LYPD8: variants seen among roughly 807,000 people sequenced by gnomAD.
The protein encoded by LYPD8 is ly6/PLAUR domain-containing protein 8.
LYPD8 carries 8 observed loss-of-function variants against 1.7 expected under a neutral mutation model. The observed-to-expected ratio is 4.58, with a 90% CI of 2.69 to 8.27. LYPD8 has a LOEUF of 8.27. Ranked by LOEUF, LYPD8 falls within the 30% of genes most tolerant of loss-of-function variation. The pLI, the probability that LYPD8 is intolerant of heterozygous loss-of-function variation, is 0.00. For missense variants in LYPD8, 112 were observed against 102.3 expected, an observed-to-expected ratio of 1.09 and a Z score of -0.41; for synonymous variants, 50 against 43.6, an observed-to-expected ratio of 1.15 and a Z score of -0.58.
rs1662705303 is a variant in LYPD8, at chr1:248,744,936, G to C, written c.475+206C>G. Among the ~76,000 whole-genome samples, 3 of 152,288 alleles carry C rather than the reference G, an allele frequency of 2.0e-5. No individual in the cohort carries two copies. The South Asian group carries it at 6.2e-4, about 32-fold the overall frequency. ...TAGAGTTCAAGGGAAGGGTAGCCCA[G>C]GAGAAACAGCTCTGCTCTAAGAAGG... is the stretch of plus-strand genomic sequence containing the variant. On this transcript the variant is annotated intron_variant, in intron 6 of 6. Transcript: ENST00000590317.
At chr1:248,740,346 G>A (rs1662567738) in intron 6 of LYPD8, among the ~76,000 whole-genome samples, 1 of 152,332 alleles carries the variant, frequency 6.6e-6, no homozygotes, top group Middle Eastern at 3.4e-3. Flanking sequence ...CTGAGAAGAA[G>A]GAAGGGCCAC....
Position 248,745,264 on chromosome 1 carries a change from T to A in LYPD8, c.353A>T (p.Asn118Ile). The change falls in exon 6 of 7, where the codon AAC (asparagine) becomes ATC (isoleucine). Residue 118 changes from asparagine to isoleucine, a missense_variant. By Grantham distance (149) the Asn-to-Ile change is moderately radical. Transcript: ENST00000590317. ...AGGGCACTCTGCGTTGCTGGACACG[T>A]TCTTCAGGGGAGGGTCTGGAAGAGT... ...TSDALDPPLK[N>I]VSSNAECPAC... is the part of the protein sequence containing the mutation. 1 of 398,618 alleles carries A rather than the reference T, an allele frequency of 2.5e-6. No homozygotes were observed. The highest frequency in any genetic ancestry group is 4.4e-6 in the Non-Finnish European group (1 of 226,060). 24.7% of individuals were successfully genotyped at this position (398,618 alleles called of 1,614,324 possible).
intron 4 of LYPD8, among the ~76,000 whole-genome samples, chr1:248,748,838 A>G (rs1662753757): frequency 1.3e-5 from 2 of 152,186 alleles, no homozygotes; most frequent in South Asian, 4.1e-4. Flanking sequence ...TTGAACCTGA[A>G]TCCAGTCAAG....
chr1:248,749,964 A>G (rs1166217882), intron 4 of LYPD8, among the ~76,000 whole-genome samples: 1 of 152,062 alleles, frequency 6.6e-6, no homozygotes, highest in Non-Finnish European at 1.5e-5. Context: ...AATGTTAATA[A>G]CTGCTGACAC....
chr1:248,752,035 C>G lies in LYPD8; in HGVS notation c.-49-905G>C, dbSNP rs888541777. Among the ~76,000 whole-genome samples, 837 of 152,240 alleles carry G rather than the reference C, an allele frequency of 5.5e-3. 5 individuals carry two copies. Among genetic ancestry groups the G allele is most frequent in the Middle Eastern group, 0.024 (7 of 294 alleles). On this transcript the variant is annotated intron_variant, in intron 2 of 6. Coordinates refer to ENST00000590317, the MANE Select transcript of LYPD8 (RefSeq NM_001085474.2). ...AAAGCAGGAGAGAGCAGGTGTGTGG[C>G]TCTGGCCTGAGCCCTTCTTAATCAT...
At position 248,744,558 on chromosome 1, in the gene LYPD8, A is replaced by G. The variant is rs1022233790; in HGVS notation, c.475+584T>C. On this transcript the variant is annotated intron_variant, in intron 6 of 6. Coordinates refer to ENST00000590317, the MANE Select transcript of LYPD8 (RefSeq NM_001085474.2). ...TCACAATGGGTAGCGTCAAATGTGG[A>G]TCTCACAATGGGTAGCGTCAAATGT... Among the ~76,000 whole-genome samples the G allele has an allele frequency of 6.6e-5, 10 of 151,978 alleles. No homozygotes were observed. In the East Asian group the frequency reaches 2.0e-3, roughly 30 times the overall value.
At chr1:248,748,592 G>A (rs1471025796) in intron 4 of LYPD8, 139 bp from the exon 5 acceptor site, 3 of 394,754 alleles carry the variant, frequency 7.6e-6, no homozygotes, top group Non-Finnish European at 1.3e-5. Flanking sequence ...ACACTGGAGA[G>A]GGTTTTCCGG....
At chr1:248,750,466 C>G (rs1662782128) in intron 4 of LYPD8, 58 bp downstream of exon 4, 1 of 398,420 alleles carries the variant, frequency 2.5e-6, no homozygotes, top group Admixed American at 4.4e-5. Flanking sequence ...GATGTCCTCT[C>G]CAGCTCCCTC....
At chr1:248,741,707 AGC>A (rs1553283351) in intron 6 of LYPD8, among the ~76,000 whole-genome samples, 1 of 152,264 alleles carries the variant, frequency 6.6e-6, no homozygotes, top group Non-Finnish European at 1.5e-5. Context: ...GGACAAGATA[AGC>A]AGAGAGAGAA....
chr1:248,753,576 CCACACAACA>C (rs1307638867), intron 2 of LYPD8, among the ~76,000 whole-genome samples: 4 of 124,566 alleles, frequency 3.2e-5, no homozygotes, highest in African/African-American at 6.4e-5. Context: ...AACACACACC[CCACACAACA>C]CACACAACAC....
chr1:248,752,695 AAC>A (rs1187862896), intron 2 of LYPD8, among the ~76,000 whole-genome samples: 40 of 116,530 alleles, frequency 3.4e-4, no homozygotes, highest in African/African-American at 3.3e-4. Context: ...CACACCCCAC[AAC>A]ACACACACAC....
intron 2 of LYPD8, among the ~76,000 whole-genome samples, chr1:248,754,909 A>G (rs2103175963): frequency 6.6e-6 from 1 of 152,182 alleles, no homozygotes; most frequent in East Asian, 1.9e-4. Context: ...CAGTGGGAAA[A>G]GAGTTTCAGG....
intron 2 of LYPD8, among the ~76,000 whole-genome samples, chr1:248,754,615 A>C (rs1662893883): frequency 1.3e-5 from 2 of 151,946 alleles, no homozygotes; most frequent in South Asian, 4.2e-4. Flanking sequence ...CCATATACAC[A>C]ATACACAAAC....
intron 2 of LYPD8, among the ~76,000 whole-genome samples, chr1:248,753,106 CCA>C (rs1662849401): frequency 1.0e-5 from 1 of 95,324 alleles, no homozygotes; most frequent in South Asian, 4.0e-4. Context: ...ACACCACACA[CCA>C]CACACAACAC....
chr1:248,752,743 CCACACACCCCA>C, intron 2 of LYPD8, among the ~76,000 whole-genome samples: 1 of 129,146 alleles, frequency 7.7e-6, no homozygotes, highest in East Asian at 2.5e-4. Flanking sequence ...ATCACACACA[CCACACACCCCA>C]CACACACCAC....
intron 2 of LYPD8, among the ~76,000 whole-genome samples, chr1:248,753,488 T>TCACACACCC (rs1662866927): frequency 5.9e-5 from 3 of 50,670 alleles, no homozygotes; most frequent in Non-Finnish European, 7.2e-5. Flanking sequence ...CACACACACA[T>TCACACACCC]CACACAACAC....
At chr1:248,742,635 CG>C (rs1170820330) in intron 6 of LYPD8, among the ~76,000 whole-genome samples, 2 of 50,714 alleles carry the variant, frequency 3.9e-5, no homozygotes, top group Admixed American at 4.3e-4. Flanking sequence ...ATGTTGGCAG[CG>C]GGGGAGATTA....
chr1:248,739,953 CAAGA>C lies in LYPD8; in HGVS notation c.476-108_476-105del. 4 of 1,460,012 alleles carry C rather than the reference CAAGA, an allele frequency of 2.7e-6. No individual in the cohort carries two copies. Among genetic ancestry groups the C allele is most frequent in the Non-Finnish European group, 3.7e-6 (4 of 1,086,280 alleles). 90.4% of individuals were successfully genotyped at this position (1,460,012 alleles called of 1,614,324 possible). ...TGCAGCACGGTGGCCCGGTGACCAGCAAGAGCTGGTGTGCTCCTGAAGCCCAGGC... is the reference window on the plus strand; with the variant it reads ...TGCAGCACGGTGGCCCGGTGACCAGCGCTGGTGTGCTCCTGAAGCCCAGGC... On this transcript the variant is annotated intron_variant, in intron 6 of 6. Transcript: ENST00000590317. This position sits in a 1 kb window ranked among gnomAD's most constrained non-coding sequence, Gnocchi z 4.3.
At chr1:248,742,284 G>C (rs868951875) in intron 6 of LYPD8, among the ~76,000 whole-genome samples, 152 of 96,332 alleles carry the variant, frequency 1.6e-3, no homozygotes, top group African/African-American at 2.8e-3. Flanking sequence ...TGTTGGCAGC[G>C]GGGGAGATTA....
Sources: gnomAD v4.1 joint callset for allele counts (sites outside exome capture counted in the v4.1 genomes callset) on GRCh38, gnomAD v4.1.1 for gene constraint, Gnocchi (gnomAD v3.1) non-coding constraint, MANE v1.5 for transcripts, NCBI Gene and HGNC (gene_info 2026-07-23, HGNC 2026-07-21) for gene names.